The following HMGCLL1 variants were observed in gnomAD, a reference collection of about 807,000 sequenced individuals.
HMGCLL1 encodes the protein 3-hydroxymethyl-3-methylglutaryl-CoA lyase, cytoplasmic.
A neutral mutation model predicts 39.1 loss-of-function variants in HMGCLL1; 36 were observed. That is an observed-to-expected ratio of 0.92 (90% CI 0.71 to 1.22). HMGCLL1 has a LOEUF of 1.22. Among genes scored for constraint, HMGCLL1 ranks in the 50% most tolerant of loss-of-function variants. The pLI is 0.00. For synonymous variants in HMGCLL1, 149 were observed against 144.0 expected (o/e 1.03, Z -0.25); for missense variants, 451 against 416.5 (o/e 1.08, Z -0.72).
At chr6:55,559,296 C>T (rs1174705386) in intron 1 of HMGCLL1, among the ~76,000 whole-genome samples, 1 of 152,084 alleles carries the variant, frequency 6.6e-6, no homozygotes, top group African/African-American at 2.4e-5. Flanking sequence ...GCCCAATTTG[C>T]TTAACATTTC....
At chr6:55,603,003 T>C in the HMGCLL1 span, among the ~76,000 whole-genome samples, 16 of 152,220 alleles carry the variant, frequency 1.1e-4, no homozygotes, top group South Asian at 1.2e-3. Flanking sequence ...TCCCATGTAA[T>C]GATGCTGCTG....
the HMGCLL1 span, among the ~76,000 whole-genome samples, chr6:55,650,714 T>C: frequency 6.6e-6 from 1 of 152,042 alleles, no homozygotes; most frequent in Non-Finnish European, 1.5e-5. Flanking sequence ...TTATCTGATG[T>C]TCTATTCTAC....
chr6:55,667,861 C>T, the HMGCLL1 span, among the ~76,000 whole-genome samples: 5 of 151,592 alleles, frequency 3.3e-5, no homozygotes, highest in South Asian at 6.2e-4. Flanking sequence ...AAATCAGGAC[C>T]GGCATTTCTT....
chr6:55,524,604 T>C (rs1050891981), intron 3 of HMGCLL1, among the ~76,000 whole-genome samples: 1 of 151,720 alleles, frequency 6.6e-6, no homozygotes, highest in African/African-American at 2.4e-5. Flanking sequence ...TCCAGACATA[T>C]CAATTAGCAA....
chr6:55,558,398 G>A (rs1581947801), intron 1 of HMGCLL1, among the ~76,000 whole-genome samples: 3 of 152,138 alleles, frequency 2.0e-5, no homozygotes, highest in Non-Finnish European at 4.4e-5. Flanking sequence ...TTTTCAGAGG[G>A]TAATTAATCC....
the HMGCLL1 span, among the ~76,000 whole-genome samples, chr6:55,661,610 T>C: frequency 3.3e-3 from 498 of 152,212 alleles, 5 homozygotes; most frequent in Middle Eastern, 0.01. Context: ...TTTTGGTTAC[T>C]GTAGCCCTGT....
the HMGCLL1 span, among the ~76,000 whole-genome samples, chr6:55,642,342 T>A: frequency 1.3e-5 from 2 of 151,824 alleles, no homozygotes; most frequent in Admixed American, 1.3e-4. Flanking sequence ...AAGTCTTTGC[T>A]ATTGTGAATA....
chr6:55,571,026 G>A (rs116569074), intron 1 of HMGCLL1, among the ~76,000 whole-genome samples: 3,167 of 152,214 alleles, frequency 0.021, 99 homozygotes, highest in African/African-American at 0.072. Context: ...AACAGTATGC[G>A]GGGAACACCC....
intron 7 of HMGCLL1, among the ~76,000 whole-genome samples, chr6:55,453,818 A>G (rs565681107): frequency 1.3e-5 from 2 of 152,350 alleles, no homozygotes; most frequent in Admixed American, 1.3e-4. Flanking sequence ...TAGGTAAAAT[A>G]CTGTCTAAAT....
intron 3 of HMGCLL1, among the ~76,000 whole-genome samples, chr6:55,519,308 GA>G (rs35174222): frequency 0.12 from 17,762 of 151,792 alleles, 1,300 homozygotes; most frequent in East Asian, 0.26. Context: ...TTCTGTGGTA[GA>G]AAAAAAATGG....
the HMGCLL1 span, among the ~76,000 whole-genome samples, chr6:55,640,490 TATTA>T: frequency 3.3e-3 from 506 of 151,964 alleles, 5 homozygotes; most frequent in Middle Eastern, 0.01. Context: ...TAAAGAAATA[TATTA>T]ATTAATTAGT....
Position 55,441,977 on chromosome 6 carries a change from T to C in HMGCLL1, c.796-2418A>G, listed in dbSNP as rs546760313. ...AAGTGCTCGTCATGTATTTTGTACATTGTCCTTCAACTTGGGTTTGTCTAA... is the reference window on the plus strand; with the variant it reads ...AAGTGCTCGTCATGTATTTTGTACACTGTCCTTCAACTTGGGTTTGTCTAA... On this transcript the variant is annotated intron_variant, in intron 7 of 8. Transcript: ENST00000274901. Among the ~76,000 whole-genome samples, 13 of 152,188 alleles carry C rather than the reference T, an allele frequency of 8.5e-5. No homozygotes were observed. In the South Asian group the frequency reaches 2.7e-3, roughly 32 times the overall value.
At chr6:55,559,164 CTT>C (rs947278685) in intron 1 of HMGCLL1, among the ~76,000 whole-genome samples, 1 of 152,102 alleles carries the variant, frequency 6.6e-6, no homozygotes, top group Non-Finnish European at 1.5e-5. Flanking sequence ...TTAAATGAGA[CTT>C]TTTGTTCCCG....
chr6:55,627,848 G>C, the HMGCLL1 span, among the ~76,000 whole-genome samples: 1 of 105,942 alleles, frequency 9.4e-6, no homozygotes, highest in African/African-American at 3.6e-5. Context: ...GTGGGACCTT[G>C]TGATCATGTA....
chr6:55,650,625 T>G, the HMGCLL1 span, among the ~76,000 whole-genome samples: 1 of 152,014 alleles, frequency 6.6e-6, no homozygotes, highest in Non-Finnish European at 1.5e-5. Flanking sequence ...CCCTTCAGCA[T>G]GGCAAGTTCC....
chr6:55,645,487 G>A, the HMGCLL1 span, among the ~76,000 whole-genome samples: 2 of 152,100 alleles, frequency 1.3e-5, no homozygotes, highest in African/African-American at 4.8e-5. Context: ...AGATCTTAGA[G>A]GAAAGGCTTT....
chr6:55,595,950 T>G, the HMGCLL1 span, among the ~76,000 whole-genome samples: 1 of 152,214 alleles, frequency 6.6e-6, no homozygotes, highest in South Asian at 2.1e-4. Flanking sequence ...TGAAATACTT[T>G]GTAAATAATT....
chr6:55,612,398 A>G, the HMGCLL1 span, among the ~76,000 whole-genome samples: 1 of 152,200 alleles, frequency 6.6e-6, no homozygotes, highest in African/African-American at 2.4e-5. Flanking sequence ...ATTCAATGCT[A>G]TTTCTATCAA....
chr6:55,539,348 C>G lies in HMGCLL1; in HGVS notation c.297+2381G>C, dbSNP rs139838632. Among the ~76,000 whole-genome samples the G allele has an allele frequency of 3.6e-3, 555 of 152,148 alleles. 5 individuals are homozygous for G. The highest frequency in any genetic ancestry group is 0.013 in the African/African-American group (534 of 41,504). On this transcript the variant is annotated intron_variant, in intron 3 of 8. Transcript: ENST00000274901. ...TCAATCCCATTACTGGGTATATAAC[C>G]AAAGGAATATAAATAATTCTATCAT...
Sources: gnomAD v4.1 joint callset for allele counts (sites outside exome capture counted in the v4.1 genomes callset) on GRCh38, gnomAD v4.1.1 for gene constraint, MANE v1.5 for transcripts, NCBI Gene and HGNC (gene_info 2026-07-23, HGNC 2026-07-21) for gene names.